PAPOLA: variants seen among roughly 807,000 people sequenced by gnomAD.
PAPOLA encodes the protein poly(A) polymerase alpha.
PAPOLA carries 15 observed loss-of-function variants against 100.6 expected under a neutral mutation model. The observed-to-expected ratio is 0.15, with a 90% CI of 0.10 to 0.23. PAPOLA has a LOEUF of 0.23. Ranked by LOEUF, PAPOLA falls within the 10% of genes least tolerant of loss-of-function variation. The pLI is 1.00. For synonymous variants in PAPOLA, 293 were observed against 300.0 expected (o/e 0.98, Z 0.24); for missense variants, 533 against 884.2 (o/e 0.60, Z 5.04).
chr14:96,516,930 A>G (rs1298818904), intron 1 of PAPOLA, among the ~76,000 whole-genome samples: 2 of 152,168 alleles, frequency 1.3e-5, no homozygotes, highest in East Asian at 3.8e-4. Flanking sequence ...TGAAAGCCTA[A>G]AGATTTGAGT....
chr14:96,520,805 G>A (rs1299128529), intron 2 of PAPOLA, among the ~76,000 whole-genome samples: 4 of 152,002 alleles, frequency 2.6e-5, no homozygotes, highest in African/African-American at 9.7e-5. Flanking sequence ...CTTACTCAGT[G>A]TAACAGTGCC....
intron 3 of PAPOLA, among the ~76,000 whole-genome samples, chr14:96,521,486 T>G (rs1335697405): frequency 1.3e-5 from 2 of 151,960 alleles, no homozygotes; most frequent in African/African-American, 4.8e-5. Context: ...TATTTATTTA[T>G]TTATTTTTTA....
intron 3 of PAPOLA, 58 bp from the exon 4 acceptor site, chr14:96,525,252 C>G (rs2140268321): frequency 1.3e-6 from 1 of 788,860 alleles, no homozygotes; most frequent in Non-Finnish European, 2.3e-6. Context: ...AGTATAGTAT[C>G]ATTTGAATAG....
chr14:96,532,856 C>A, intron 9 of PAPOLA: 1 of 1,282,824 alleles, frequency 7.8e-7, no homozygotes, highest in Non-Finnish European at 9.8e-7. Flanking sequence ...AAGGCAGATT[C>A]TATTTGTACT....
intron 19 of PAPOLA, among the ~76,000 whole-genome samples, chr14:96,556,731 C>G (rs770798786): frequency 8.5e-5 from 13 of 152,116 alleles, no homozygotes; most frequent in Non-Finnish European, 1.6e-4. Flanking sequence ...TAATGACTAC[C>G]TTTTATTTGT....
chr14:96,550,367 T>G (rs10400784), intron 16 of PAPOLA, among the ~76,000 whole-genome samples: 2,793 of 152,262 alleles, frequency 0.018, 89 homozygotes, highest in African/African-American at 0.064. Context: ...ATGACAATAT[T>G]GATATTTGGA....
intron 15 of PAPOLA, 99 bp from the exon 16 acceptor site, chr14:96,547,698 T>TG (rs1461140135): frequency 1.2e-6 from 1 of 862,690 alleles, no homozygotes; most frequent in Non-Finnish European, 1.8e-6. Context: ...GCAGTATTGA[T>TG]GGAAAAAGGA....
rs140050799 is a variant in PAPOLA, at chr14:96,528,024, T to C, written c.495+18T>C. 1.9e-6 allele frequency: 3 copies of C among 1,540,970 alleles called. No individual in the cohort carries two copies. Among genetic ancestry groups the C allele is most frequent in the East Asian group, 4.5e-5 (2 of 44,472 alleles). On this transcript the variant is annotated intron_variant, in intron 6 of 21. Coordinates refer to ENST00000216277, the MANE Select transcript of PAPOLA (RefSeq NM_032632.5). Reference sequence around the variant, plus strand: ...GGATAGAGGTAAGGTATAGTTCAAATTGACAGTTCTTGCTATGTGCTGTCA... The same window carrying C: ...GGATAGAGGTAAGGTATAGTTCAAACTGACAGTTCTTGCTATGTGCTGTCA...
intron 5 of PAPOLA, 55 bp from the exon 6 acceptor site, chr14:96,527,898 G>A: frequency 8.2e-7 from 1 of 1,224,626 alleles, no homozygotes; most frequent in Non-Finnish European, 1.2e-6. Flanking sequence ...ACTAAAACTA[G>A]TAGAGGCTTA....
At chr14:96,532,683 T>C in intron 9 of PAPOLA, 34 bp downstream of exon 9, 10 of 1,540,556 alleles carry the variant, frequency 6.5e-6, no homozygotes, top group South Asian at 2.6e-5. Flanking sequence ...ATAAAATTGA[T>C]TGTAGACACT....
intron 1 of PAPOLA, among the ~76,000 whole-genome samples, chr14:96,508,956 T>C (rs745603716): frequency 7.9e-5 from 12 of 152,242 alleles, no homozygotes; most frequent in Non-Finnish European, 1.8e-4. Flanking sequence ...CTCTGGATTC[T>C]GTGTTGCATT....
At chr14:96,527,331 A>G in intron 4 of PAPOLA, 99 bp from the exon 5 acceptor site, 1 of 712,056 alleles carries the variant, frequency 1.4e-6, no homozygotes, top group East Asian at 2.7e-5. Context: ...GCTCACCAGT[A>G]TGTTAAACAG....
In PAPOLA at chr14:96,502,555, G is replaced by C. The variant is rs201180646; in HGVS notation, c.-38G>C. On this transcript the variant is annotated 5_prime_UTR_variant, in exon 1 of 22. Transcript: ENST00000216277. ...CCAGGGCGGCAGCGGCGGCGGTTGC[G>C]GGGGGGAAGTGACTGGGCGGTGCCG... The C allele has an allele frequency of 1.7e-3, 2,523 of 1,503,262 alleles. 45 individuals carry two copies. In the African/African-American group the frequency reaches 0.032, roughly 19 times the overall value. The allele number at this position is 1,503,262 out of a possible 1,614,324, so 93.1% of individuals were successfully genotyped here.
chr14:96,561,893 T>G (rs1419478255), intron 20 of PAPOLA, among the ~76,000 whole-genome samples: 2 of 151,836 alleles, frequency 1.3e-5, no homozygotes, highest in Non-Finnish European at 2.9e-5. Flanking sequence ...TTCTTCTTTG[T>G]CCTTTTTTTG....
intron 1 of PAPOLA, among the ~76,000 whole-genome samples, chr14:96,504,012 G>A (rs1020109518): frequency 6.6e-6 from 1 of 152,192 alleles, no homozygotes; most frequent in Non-Finnish European, 1.5e-5. Flanking sequence ...TAAAATCTTG[G>A]AATCTGCATG....
chr14:96,534,469 G>A, intron 9 of PAPOLA, 22 bp from the exon 10 acceptor site: 1 of 1,611,854 alleles, frequency 6.2e-7, no homozygotes, highest in Non-Finnish European at 8.5e-7. Context: ...GTCTTATCAA[G>A]TGCTACAATC....
At chr14:96,541,970 G>A (rs1900030975) in intron 12 of PAPOLA, 1 of 234,542 alleles carries the variant, frequency 4.3e-6, no homozygotes, top group Non-Finnish European at 8.3e-6. Flanking sequence ...GTGTCATTGA[G>A]CAAAATTATT....
intron 1 of PAPOLA, among the ~76,000 whole-genome samples, chr14:96,518,231 G>A (rs1053974544): frequency 6.6e-6 from 1 of 152,174 alleles, no homozygotes; most frequent in African/African-American, 2.4e-5. Flanking sequence ...CAGTCCAGCA[G>A]CTAATTAGTA....
chr14:96,552,684 T>C (rs1372336524), intron 17 of PAPOLA, 62 bp downstream of exon 17: 2 of 1,422,690 alleles, frequency 1.4e-6, no homozygotes, highest in Non-Finnish European at 1.9e-6. Flanking sequence ...AGATACATTC[T>C]CTTTTTGCTA....
Sources: gnomAD v4.1 joint callset for allele counts (sites outside exome capture counted in the v4.1 genomes callset) on GRCh38, gnomAD v4.1.1 for gene constraint, MANE v1.5 for transcripts, NCBI Gene and HGNC (gene_info 2026-07-23, HGNC 2026-07-21) for gene names.